MAGI2: variants seen among roughly 807,000 people sequenced by gnomAD.
The protein encoded by MAGI2 is membrane associated guanylate kinase, WW and PDZ domain containing 2.
In MAGI2, 35 loss-of-function variants were observed where a neutral mutation model predicts 133.3. That is an observed-to-expected ratio of 0.26 (90% CI 0.20 to 0.35). The LOEUF (loss-of-function observed/expected upper bound fraction) is 0.35, where lower values mean the gene tolerates loss of function less well. Ranked by LOEUF, MAGI2 falls within the 10% of genes least tolerant of loss-of-function variation. MAGI2 has a pLI of 1.00. For synonymous variants in MAGI2, 729 were observed against 710.6 expected (o/e 1.03, Z -0.41); for missense variants, 1,636 against 1,863.4 (o/e 0.88, Z 2.25).
intron 9 of MAGI2, among the ~76,000 whole-genome samples, chr7:78,322,675 G>A (rs1340480457): frequency 6.6e-6 from 1 of 152,014 alleles, no homozygotes; most frequent in East Asian, 1.9e-4. Context: ...CAGTTTGATG[G>A]GTCCAGCAAA....
chr7:78,899,539 C>T (rs1797451868), intron 2 of MAGI2, among the ~76,000 whole-genome samples: 1 of 152,134 alleles, frequency 6.6e-6, no homozygotes, highest in Non-Finnish European at 1.5e-5. Flanking sequence ...TCCTAATCTA[C>T]TAAGTAGTCA....
chr7:78,137,818 G>A (rs2023947), intron 16 of MAGI2, among the ~76,000 whole-genome samples: 128,993 of 152,136 alleles, frequency 0.85, 54,815 homozygotes, highest in Non-Finnish European at 0.87. Context: ...CACCCACATT[G>A]AGCCCTACAC....
intron 1 of MAGI2, among the ~76,000 whole-genome samples, chr7:79,246,493 G>A (rs1380415405): frequency 3.3e-5 from 5 of 152,176 alleles, no homozygotes; most frequent in Admixed American, 3.3e-4. Context: ...TTCTGGAGTT[G>A]AAAATGCAAT....
chr7:78,628,357 T>C (rs1467988727), intron 2 of MAGI2, among the ~76,000 whole-genome samples: 3 of 152,304 alleles, frequency 2.0e-5, no homozygotes, highest in Non-Finnish European at 4.4e-5. Flanking sequence ...GACTCCCCCA[T>C]ATTGTCTATA....
At chr7:79,279,809 A>G (rs1490411316) in intron 1 of MAGI2, among the ~76,000 whole-genome samples, 1 of 152,184 alleles carries the variant, frequency 6.6e-6, no homozygotes, top group Admixed American at 6.5e-5. Context: ...ATTTACCATA[A>G]CATAAAATTT....
intron 2 of MAGI2, among the ~76,000 whole-genome samples, chr7:78,932,598 C>T (rs147977022): frequency 6.6e-6 from 1 of 151,658 alleles, no homozygotes; most frequent in East Asian, 1.9e-4. Flanking sequence ...GAACACATGC[C>T]ACTTAATGGC....
intron 4 of MAGI2, among the ~76,000 whole-genome samples, chr7:78,511,822 G>A (rs1376940239): frequency 2.0e-5 from 3 of 151,436 alleles, no homozygotes; most frequent in African/African-American, 7.3e-5. Context: ...GAGGCTGGGC[G>A]CAGTGGCTCA....
intron 20 of MAGI2, among the ~76,000 whole-genome samples, chr7:78,123,768 G>C (rs572887796): frequency 6.6e-6 from 1 of 152,054 alleles, no homozygotes; most frequent in Non-Finnish European, 1.5e-5. Context: ...ATAAAACCTC[G>C]GAAGGTAAAA....
At chr7:78,049,631 C>A (rs1332504751) in intron 21 of MAGI2, among the ~76,000 whole-genome samples, 3 of 152,096 alleles carry the variant, frequency 2.0e-5, no homozygotes, top group East Asian at 3.8e-4. Context: ...CCCTAACAGC[C>A]TTTAACACCT....
chr7:79,294,878 C>T (rs1200364450), intron 1 of MAGI2, among the ~76,000 whole-genome samples: 2 of 151,152 alleles, frequency 1.3e-5, no homozygotes, highest in African/African-American at 4.9e-5. Context: ...TACAGGCGCC[C>T]GCCACCACTC....
chr7:79,157,932 C>A (rs1823956562), intron 1 of MAGI2, among the ~76,000 whole-genome samples: 1 of 62,614 alleles, frequency 1.6e-5, no homozygotes, highest in African/African-American at 5.2e-5. Context: ...GCTACAGAAT[C>A]TTTGTGTGAG....
At chr7:78,514,757 T>C (rs541229473) in intron 4 of MAGI2, among the ~76,000 whole-genome samples, 54 of 152,304 alleles carry the variant, frequency 3.5e-4, no homozygotes, top group Middle Eastern at 3.4e-3. Context: ...GGACTGATGG[T>C]GCATGCACAG....
At chr7:78,136,849 T>C (rs1223680474) in intron 16 of MAGI2, among the ~76,000 whole-genome samples, 1 of 152,246 alleles carries the variant, frequency 6.6e-6, no homozygotes, top group Admixed American at 6.5e-5. Flanking sequence ...AATTAGTGAT[T>C]TAATGAGCCA....
At chr7:78,860,131 G>A (rs1031974980) in intron 2 of MAGI2, among the ~76,000 whole-genome samples, 11 of 152,132 alleles carry the variant, frequency 7.2e-5, no homozygotes, top group Non-Finnish European at 1.5e-4. Flanking sequence ...ATTCTGGTTA[G>A]CCATTCGTCT....
chr7:78,769,146 C>T (rs1388133327), intron 2 of MAGI2, among the ~76,000 whole-genome samples: 2 of 152,224 alleles, frequency 1.3e-5, no homozygotes, highest in South Asian at 2.1e-4. Context: ...CATTCTAGCG[C>T]GGGGACACAT....
At chr7:79,293,052 TC>T (rs1307603359) in intron 1 of MAGI2, among the ~76,000 whole-genome samples, 1 of 152,184 alleles carries the variant, frequency 6.6e-6, no homozygotes, top group Non-Finnish European at 1.5e-5. Flanking sequence ...GTATGTACTA[TC>T]CCTCTTTGAC....
At chr7:78,775,580 C>A (rs942932114) in intron 2 of MAGI2, among the ~76,000 whole-genome samples, 3 of 152,014 alleles carry the variant, frequency 2.0e-5, no homozygotes, top group Non-Finnish European at 4.4e-5. Context: ...TCTATTTTAT[C>A]TGTAACTGAT....
chr7:78,187,316 A>G (rs574742086), intron 12 of MAGI2, among the ~76,000 whole-genome samples: 1 of 152,246 alleles, frequency 6.6e-6, no homozygotes, highest in Non-Finnish European at 1.5e-5. Flanking sequence ...TTATATATTT[A>G]TGATATATAA....
At chr7:78,591,725 T>C (rs749554392) in intron 3 of MAGI2, among the ~76,000 whole-genome samples, 8 of 152,218 alleles carry the variant, frequency 5.3e-5, no homozygotes, top group Non-Finnish European at 1.0e-4. Context: ...AGGCCATCAA[T>C]GTGTACACAG....
Sources: allele counts gnomAD v4.1 joint callset (sites outside exome capture counted in the v4.1 genomes callset), GRCh38; gene constraint gnomAD v4.1.1; transcripts MANE v1.5; gene names NCBI Gene and HGNC (gene_info 2026-07-23, HGNC 2026-07-21).